PUM3: variants seen among roughly 807,000 people sequenced by gnomAD.
PUM3 encodes pumilio homolog 3.
Under a neutral mutation model 84.0 loss-of-function variants are expected in PUM3, and 91 were observed. The ratio of observed to expected loss-of-function variants is 1.08; its 90% CI spans 0.91 to 1.29. The LOEUF (loss-of-function observed/expected upper bound fraction) is 1.29. Ranked by LOEUF, PUM3 falls within the 50% of genes most tolerant of loss-of-function variation. The probability of loss-of-function intolerance (pLI) is 0.00; values close to 1 mark genes in which losing one functional copy is unlikely to be tolerated. For synonymous variants in PUM3, 321 were observed against 266.7 expected (o/e 1.20, Z -1.98); for missense variants, 1,067 against 767.5 (o/e 1.39, Z -4.61).
At chr9:2,817,303 G>A (rs1247722291) in intron 13 of PUM3, among the ~76,000 whole-genome samples, 1 of 152,064 alleles carries the variant, frequency 6.6e-6, no homozygotes, top group Non-Finnish European at 1.5e-5. Flanking sequence ...GTAAACTATG[G>A]CCCATTGGTC....
chr9:2,832,988 GT>G (rs1200414893), intron 5 of PUM3, among the ~76,000 whole-genome samples: 3 of 152,182 alleles, frequency 2.0e-5, no homozygotes, highest in African/African-American at 7.2e-5. Context: ...GAAGTAATAT[GT>G]TCACATCACA....
At chr9:2,841,668 G>C (rs1316910930) in intron 1 of PUM3, among the ~76,000 whole-genome samples, 3 of 149,340 alleles carry the variant, frequency 2.0e-5, no homozygotes, top group Non-Finnish European at 3.0e-5. Flanking sequence ...GCTAACTTTA[G>C]CATTCAAGTC....
intron 1 of PUM3, among the ~76,000 whole-genome samples, chr9:2,839,240 T>A (rs1816206948): frequency 6.6e-6 from 1 of 152,144 alleles, no homozygotes; most frequent in Admixed American, 6.5e-5. Flanking sequence ...GCAGAACAGA[T>A]CAAGAGAAAA....
intron 7 of PUM3, among the ~76,000 whole-genome samples, chr9:2,830,458 C>T (rs922741388): frequency 1.3e-5 from 2 of 152,190 alleles, no homozygotes; most frequent in African/African-American, 4.8e-5. Context: ...CACTGACCCT[C>T]TATCAGTTTA....
Position 2,833,420 on chromosome 9 carries a change from G to A in PUM3, c.453C>T (p.Asp151=). 1 of 1,571,994 alleles carries A rather than the reference G, an allele frequency of 6.4e-7. No homozygotes were observed. Among genetic ancestry groups the A allele is most frequent in the Non-Finnish European group, 8.7e-7 (1 of 1,147,512 alleles). Residue 151 remains aspartate, a synonymous_variant, in exon 5 of 18, where the codon GAC becomes GAT. Coordinates refer to ENST00000397885, the MANE Select transcript of PUM3 (RefSeq NM_014878.5). ...MWEILRRKDC[D]KEKRVKLMSD... is the part of the protein sequence containing the mutation. ...TCATTAACTTTACTCTTTTTTCTTTGTCACAGTCTTTTCTACAAATGAGGA... is the reference window on the plus strand; with the variant it reads ...TCATTAACTTTACTCTTTTTTCTTTATCACAGTCTTTTCTACAAATGAGGA...
At chr9:2,818,917 G>C (rs1304427773) in intron 13 of PUM3, among the ~76,000 whole-genome samples, 1 of 152,158 alleles carries the variant, frequency 6.6e-6, no homozygotes, top group African/African-American at 2.4e-5. Flanking sequence ...AGGCTACAAA[G>C]AGAGACCACA....
intron 13 of PUM3, among the ~76,000 whole-genome samples, chr9:2,815,716 A>C (rs2129809595): frequency 6.6e-6 from 1 of 152,376 alleles, no homozygotes; most frequent in African/African-American, 2.4e-5. Flanking sequence ...TATGGAGATT[A>C]AATAAAGCTA....
At chr9:2,826,561 C>G (rs762498334) in intron 10 of PUM3, among the ~76,000 whole-genome samples, 6 of 152,176 alleles carry the variant, frequency 3.9e-5, no homozygotes, top group Non-Finnish European at 7.3e-5. Flanking sequence ...AAGCAAAGTT[C>G]AGGGAACTAA....
In PUM3 at chr9:2,804,295, A is replaced by G. The variant is rs756603137; in HGVS notation, c.*36T>C. On this transcript the variant is annotated 3_prime_UTR_variant, in exon 18 of 18. Coordinates refer to ENST00000397885, the MANE Select transcript of PUM3 (RefSeq NM_014878.5). ...CATTGGGAAACAGAACAGAGAACAG[A>G]AAAAATCATTCCATCTTGCTCTTAA... The G allele has an allele frequency of 7.6e-5, 122 of 1,601,980 alleles. 1 individual carries two copies. The highest frequency in any genetic ancestry group is 5.1e-6 in the Non-Finnish European group (6 of 1,174,804).
At chr9:2,838,094 G>A (rs1344271079) in intron 2 of PUM3, among the ~76,000 whole-genome samples, 2 of 152,036 alleles carry the variant, frequency 1.3e-5, no homozygotes, top group African/African-American at 4.8e-5. Flanking sequence ...GAACCTAAAC[G>A]TATTTGGCTT....
chr9:2,812,169 C>T, intron 14 of PUM3, 51 bp downstream of exon 14: 1 of 1,526,316 alleles, frequency 6.6e-7, no homozygotes, highest in Non-Finnish European at 9.1e-7. Flanking sequence ...GAATGCACTA[C>T]TCAACATTAA....
At chr9:2,824,227 C>A (rs575817816) in intron 11 of PUM3, among the ~76,000 whole-genome samples, 2 of 152,058 alleles carry the variant, frequency 1.3e-5, no homozygotes, top group Non-Finnish European at 2.9e-5. Context: ...AGATATAGTA[C>A]AACTATCTTT....
At chr9:2,805,857 C>T (rs1353773015) in intron 17 of PUM3, among the ~76,000 whole-genome samples, 1 of 151,924 alleles carries the variant, frequency 6.6e-6, no homozygotes, top group African/African-American at 2.4e-5. Flanking sequence ...AGGCTATGCA[C>T]TAAGCTAGAA....
At chr9:2,819,353 G>A (rs985321795) in intron 13 of PUM3, among the ~76,000 whole-genome samples, 2 of 152,202 alleles carry the variant, frequency 1.3e-5, no homozygotes, top group Admixed American at 6.5e-5. Context: ...CAACGTTAGC[G>A]ATAAATACAC....
intron 13 of PUM3, among the ~76,000 whole-genome samples, chr9:2,816,669 C>A (rs765903252): frequency 2.0e-5 from 3 of 152,158 alleles, no homozygotes; most frequent in Non-Finnish European, 2.9e-5. Flanking sequence ...TTGTCTCACA[C>A]CTGGCCTGGC....
At chr9:2,837,146 G>T (rs1432323657) in intron 3 of PUM3, 34 bp downstream of exon 3, 4 of 1,559,896 alleles carry the variant, frequency 2.6e-6, no homozygotes, top group East Asian at 4.5e-5. Context: ...AATCGTTCAG[G>T]CACTAGTTCA....
rs997301429 is a variant in PUM3 at position 2,804,233 on chromosome 9, A to C, written c.*98T>G. 8.4e-7 allele frequency: 1 copy of C among 1,188,278 alleles called. No homozygotes were observed. Among genetic ancestry groups the C allele is most frequent in the Admixed American group, 2.3e-5 (1 of 44,290 alleles). 73.6% of individuals were successfully genotyped at this position (1,188,278 alleles called of 1,614,324 possible). ...AAGAAACACATATACAGAGTACCCC[A>C]ATTACCAGTATGGTGGACCCTACCC... On this transcript the variant is annotated 3_prime_UTR_variant, in exon 18 of 18. Transcript: ENST00000397885.
At chr9:2,828,588 TA>T (rs1467708708) in intron 9 of PUM3, 86 bp downstream of exon 9, 12 of 779,846 alleles carry the variant, frequency 1.5e-5, no homozygotes, top group Non-Finnish European at 2.7e-5. Flanking sequence ...AAGCAGGAAA[TA>T]GCTACCTCTT....
intron 11 of PUM3, among the ~76,000 whole-genome samples, chr9:2,824,475 G>T (rs531825864): frequency 6.6e-6 from 1 of 152,298 alleles, no homozygotes; most frequent in East Asian, 1.9e-4. Flanking sequence ...TTGCTTGATA[G>T]ATCTCTTCCC....
Sources: allele counts gnomAD v4.1 joint callset (sites outside exome capture counted in the v4.1 genomes callset), GRCh38; gene constraint gnomAD v4.1.1; transcripts MANE v1.5; gene names NCBI Gene and HGNC (gene_info 2026-07-23, HGNC 2026-07-21).